Variants in COL4A2 observed in about 807,000 individuals in gnomAD.
COL4A2 encodes the protein collagen type IV alpha 2 chain.
A neutral mutation model predicts 200.2 loss-of-function variants in COL4A2; 99 were observed. The ratio of observed to expected loss-of-function variants is 0.49; its 90% CI spans 0.42 to 0.58. The LOEUF (loss-of-function observed/expected upper bound fraction) is 0.58. COL4A2 is among the 20% of genes least tolerant of loss of function. The pLI, the probability that COL4A2 is intolerant of heterozygous loss-of-function variation, is 0.00. For missense variants in COL4A2, 1,950 were observed against 2,314.1 expected (o/e 0.84, Z 3.23); for synonymous variants, 897 against 900.6 (o/e 1.00, Z 0.07).
chr13:110,489,873 A>C (rs1052620716), intron 36 of COL4A2, 88 bp downstream of exon 36: 3 of 1,392,294 alleles, frequency 2.2e-6, no homozygotes, highest in Admixed American at 4.5e-5. Flanking sequence ...GATCAAATTC[A>C]GTAACAACCA....
intron 3 of COL4A2, among the ~76,000 whole-genome samples, chr13:110,356,328 C>T (rs9515194): frequency 0.52 from 79,674 of 151,954 alleles, 22,173 homozygotes; most frequent in East Asian, 0.67. Context: ...AAGTGTGTCC[C>T]GTAGGGCGAA....
chr13:110,367,842 T>A (rs1594173075), intron 4 of COL4A2, among the ~76,000 whole-genome samples: 1 of 151,270 alleles, frequency 6.6e-6, no homozygotes, highest in African/African-American at 2.4e-5. Flanking sequence ...CTCAGGCAGC[T>A]GGGATATGCC....
intron 4 of COL4A2, among the ~76,000 whole-genome samples, chr13:110,421,936 T>C (rs1394328567): frequency 6.6e-6 from 1 of 152,214 alleles, no homozygotes; most frequent in Admixed American, 6.5e-5. Context: ...GAATGTGGTT[T>C]TCATCAATAA....
chr13:110,324,220 C>T lies in COL4A2; in HGVS notation c.99+16097C>T, dbSNP rs1256595566. Among the ~76,000 whole-genome samples, 3 of 152,152 alleles carry T rather than the reference C, an allele frequency of 2.0e-5. No homozygotes were observed. In the East Asian group the frequency reaches 5.8e-4, roughly 29 times the overall value. ...GGGCAGGCAGAGGTTGGCCAGTGGC[C>T]TTCTTGGCACTCCCAGAAACTCAGC... On this transcript the variant is annotated intron_variant, in intron 3 of 47. Coordinates refer to ENST00000360467, the MANE Select transcript of COL4A2 (RefSeq NM_001846.4).
intron 40 of COL4A2, among the ~76,000 whole-genome samples, chr13:110,498,397 T>C (rs1883531584): frequency 6.6e-6 from 1 of 152,130 alleles, no homozygotes; most frequent in Non-Finnish European, 1.5e-5. Flanking sequence ...GGCCAGGAGA[T>C]GTGGAGAGGA....
At chr13:110,461,361 C>G (rs1296120630) in intron 22 of COL4A2, among the ~76,000 whole-genome samples, 1 of 152,234 alleles carries the variant, frequency 6.6e-6, no homozygotes, top group Non-Finnish European at 1.5e-5. Flanking sequence ...ATCCCTGGGG[C>G]CTCTGTGGAC....
intron 3 of COL4A2, among the ~76,000 whole-genome samples, chr13:110,321,739 T>G (rs1885283623): frequency 6.6e-6 from 1 of 152,202 alleles, no homozygotes; most frequent in Non-Finnish European, 1.5e-5. Flanking sequence ...CTCACAATCA[T>G]GGCAGAAGGC....
Position 110,491,254 on chromosome 13 carries a change from A to G in COL4A2, c.3368A>G (p.Glu1123Gly), listed in dbSNP as rs117412802. 18,951 of 1,599,498 alleles carry G rather than the reference A, an allele frequency of 0.012. 156 individuals carry two copies. Among genetic ancestry groups the G allele is most frequent in the Non-Finnish European group, 0.013 (15,754 of 1,172,116 alleles). The change falls in exon 37 of 48, where the codon GAG becomes GGG. Residue 1123 changes from glutamate to glycine, a missense_variant. By Grantham distance (98) the Glu-to-Gly change is moderately conservative (BLOSUM62 -2). Around this residue, in one of 2 missense-constraint regions of COL4A2, gnomAD observed 1,385 missense variants for 1,720.5 expected, o/e 0.80. Transcript: ENST00000360467. ...GCAGGTCTGAAGGGATTCTTTGGAG[A>G]GAAGGGAACAGAAGGTGACATCGGC... The part of the protein sequence containing the change: ...GIPGLKGFFG[E>G]KGTEGDIGFP...
At chr13:110,430,691 A>T in intron 10 of COL4A2, 84 bp downstream of exon 10, 1 of 1,556,890 alleles carries the variant, frequency 6.4e-7, no homozygotes, top group Non-Finnish European at 8.9e-7. Context: ...GGTTGACTCC[A>T]GATGAGAGCT....
At chr13:110,446,377 C>T (rs1314592678) in intron 17 of COL4A2, among the ~76,000 whole-genome samples, 1 of 152,146 alleles carries the variant, frequency 6.6e-6, no homozygotes, top group Non-Finnish European at 1.5e-5. Context: ...GAAGGTGGTG[C>T]GCGGGATGCT....
At chr13:110,509,264 T>TACACAC (rs1237663441) in intron 47 of COL4A2, among the ~76,000 whole-genome samples, 9 of 119,136 alleles carry the variant, frequency 7.6e-5, no homozygotes, top group Non-Finnish European at 1.5e-4. Context: ...TATATATATA[T>TACACAC]ATATATACAC....
chr13:110,307,994 C>A lies in COL4A2; in HGVS notation c.44+47C>A, dbSNP rs1884844744. 1 of 1,611,558 alleles carries A rather than the reference C, an allele frequency of 6.2e-7. No homozygotes were observed. The highest frequency in any genetic ancestry group is 1.1e-5 in the South Asian group (1 of 90,928). ...CCCCGTGGGTCACGCGCGCATGGACCCTTCGGTGTAACTCTCGGGGACTGA... is the reference window on the plus strand; with the variant it reads ...CCCCGTGGGTCACGCGCGCATGGACACTTCGGTGTAACTCTCGGGGACTGA... On this transcript the variant is annotated intron_variant, in intron 2 of 47. Transcript: ENST00000360467. The surrounding 1 kb of genome is among the most constrained non-coding windows in gnomAD (Gnocchi z 5.0).
chr13:110,489,323 GAC>G (rs1883207045), intron 34 of COL4A2, 120 bp from the exon 35 acceptor site: 1 of 949,116 alleles, frequency 1.1e-6, no homozygotes, highest in Non-Finnish European at 1.7e-6. Context: ...TCCACAAAAT[GAC>G]AAGATCACAA....
At chr13:110,308,578 C>G (rs1462386166) in intron 3 of COL4A2, among the ~76,000 whole-genome samples, 1 of 151,996 alleles carries the variant, frequency 6.6e-6, no homozygotes, top group African/African-American at 2.4e-5. Flanking sequence ...GGTAAAGGGG[C>G]GGGGCGAGGA....
intron 3 of COL4A2, among the ~76,000 whole-genome samples, chr13:110,331,189 T>C (rs1403181054): frequency 6.6e-6 from 1 of 152,202 alleles, no homozygotes; most frequent in African/African-American, 2.4e-5. Flanking sequence ...AATCGTGTGA[T>C]AGTGCCAGGC....
intron 45 of COL4A2, among the ~76,000 whole-genome samples, chr13:110,505,895 C>T: frequency 6.6e-6 from 1 of 152,166 alleles, no homozygotes; most frequent in Non-Finnish European, 1.5e-5. Context: ...ACATGCCTAC[C>T]TATGGCTGAC....
At chr13:110,467,950 A>T (rs140028625) in intron 27 of COL4A2, among the ~76,000 whole-genome samples, 1 of 152,332 alleles carries the variant, frequency 6.6e-6, no homozygotes, top group Non-Finnish European at 1.5e-5. Context: ...CAAGCACCAG[A>T]CACAGCCAGA....
chr13:110,322,479 C>G (rs1057087107), intron 3 of COL4A2, among the ~76,000 whole-genome samples: 1 of 152,134 alleles, frequency 6.6e-6, no homozygotes, highest in Non-Finnish European at 1.5e-5. Flanking sequence ...TCCTGAAGCC[C>G]CAGAACTGCG....
intron 18 of COL4A2, among the ~76,000 whole-genome samples, chr13:110,449,041 T>C (rs2391831): frequency 0.43 from 64,890 of 151,596 alleles, 14,068 homozygotes; most frequent in South Asian, 0.48. Flanking sequence ...GGGACTTCAG[T>C]GTGACGCCCA....
Sources: gnomAD v4.1 joint callset for allele counts (sites outside exome capture counted in the v4.1 genomes callset) on GRCh38, gnomAD v4.1.1 for gene constraint, gnomAD v4.1.1 regional missense constraint, Gnocchi (gnomAD v3.1) non-coding constraint, MANE v1.5 for transcripts, NCBI Gene and HGNC (gene_info 2026-07-23, HGNC 2026-07-21) for gene names.